The following ADAM17 variants were observed in gnomAD, a reference collection of about 807,000 sequenced individuals.
ADAM17 encodes disintegrin and metalloproteinase domain-containing protein 17.
In ADAM17, 39 loss-of-function variants were observed where a neutral mutation model predicts 96.7. The observed-to-expected ratio is 0.40, with a 90% CI of 0.31 to 0.53. The LOEUF is 0.53. Among genes scored for constraint, ADAM17 ranks in the 20% least tolerant of loss-of-function variants. The pLI is 0.44. For synonymous variants in ADAM17, 344 were observed against 359.2 expected (o/e 0.96, Z 0.48); for missense variants, 777 against 1,013.2 (o/e 0.77, Z 3.17).
chr2:9,520,410 A>G (rs904017772), intron 8 of ADAM17, among the ~76,000 whole-genome samples: 1 of 152,256 alleles, frequency 6.6e-6, no homozygotes, highest in African/African-American at 2.4e-5. Flanking sequence ...TAATCGCCAG[A>G]ATAAAAACAC....
chr2:9,493,766 C>A lies in ADAM17; in HGVS notation c.1974G>T (p.Gln658His), dbSNP rs765452935. The A allele has an allele frequency of 1.9e-6, 3 of 1,613,992 alleles. No individual in the cohort carries two copies. The highest frequency in any genetic ancestry group is 1.7e-6 in the Non-Finnish European group (2 of 1,179,932). The change falls in exon 16 of 19, where the codon CAG becomes CAT. Residue 658 changes from glutamine to histidine, a missense_variant. Physicochemically the swap from Gln to His is conservative, Grantham distance 24 (BLOSUM62 0). Around this residue, in one of 3 missense-constraint regions of ADAM17, gnomAD observed 197 missense variants for 219.4 expected, o/e 0.90. Coordinates refer to ENST00000310823, the MANE Select transcript of ADAM17 (RefSeq NM_003183.6). ...VIERFWDFIDQLSINTFGKFL... is the reference protein window; with the variant it reads ...VIERFWDFIDHLSINTFGKFL... Reference sequence around the variant, plus strand: ...ACCTACCAAAAGTATTGATGCTCAGCTGGTCAATGAAATCCCAAAATCGTT... The same window carrying A: ...ACCTACCAAAAGTATTGATGCTCAGATGGTCAATGAAATCCCAAAATCGTT...
At chr2:9,499,440 T>TCA (rs1219523248) in intron 13 of ADAM17, among the ~76,000 whole-genome samples, 1 of 152,036 alleles carries the variant, frequency 6.6e-6, no homozygotes, top group East Asian at 1.9e-4. Context: ...CTTGCTCTGT[T>TCA]GCCCAGGCTG....
At chr2:9,515,274 C>A (rs1024448494) in intron 10 of ADAM17, among the ~76,000 whole-genome samples, 1 of 152,154 alleles carries the variant, frequency 6.6e-6, no homozygotes, top group African/African-American at 2.4e-5. Context: ...GCCTTTCAGA[C>A]TGGCTTATTT....
At chr2:9,499,243 T>A (rs1426841690) in intron 13 of ADAM17, among the ~76,000 whole-genome samples, 1 of 152,138 alleles carries the variant, frequency 6.6e-6, no homozygotes, top group South Asian at 2.1e-4. Context: ...AAAGGCTGTT[T>A]GATAAGAACA....
At chr2:9,509,628 T>TA (rs375238296) in intron 11 of ADAM17, among the ~76,000 whole-genome samples, 41 of 152,270 alleles carry the variant, frequency 2.7e-4, no homozygotes, top group African/African-American at 9.1e-4. Context: ...ATTGTAGAGT[T>TA]AAAATGAATG....
intron 1 of ADAM17, among the ~76,000 whole-genome samples, chr2:9,546,765 A>C (rs1283986108): frequency 1.4e-5 from 2 of 141,780 alleles, no homozygotes; most frequent in Admixed American, 7.4e-5. Flanking sequence ...GCTGGAATGC[A>C]GTGGCGTGAT....
In ADAM17 at chr2:9,491,082, T is replaced by A. The variant is rs1429764331; in HGVS notation, c.2133+19A>T. The A allele has an allele frequency of 1.2e-6, 2 of 1,608,386 alleles. No homozygotes were observed. Among genetic ancestry groups the A allele is most frequent in the Non-Finnish European group, 1.7e-6 (2 of 1,175,592 alleles). On this transcript the variant is annotated intron_variant, in intron 18 of 18. Transcript: ENST00000310823. ...TCAGACCAGGCGAAGATTATGTTTC[T>A]TTCATATGGTATACTTACACTGGGG... is the stretch of plus-strand genomic sequence containing the variant.
chr2:9,517,857 A>T, intron 10 of ADAM17, 44 bp downstream of exon 10: 1 of 1,349,422 alleles, frequency 7.4e-7, no homozygotes, highest in Non-Finnish European at 1.0e-6. Context: ...AGGTTCTACT[A>T]CAATAAACTC....
At chr2:9,534,548 A>T (rs1335195299) in intron 4 of ADAM17, among the ~76,000 whole-genome samples, 1 of 152,104 alleles carries the variant, frequency 6.6e-6, no homozygotes, top group African/African-American at 2.4e-5. Context: ...AAACAAACAA[A>T]CAAACAAACA....
At chr2:9,544,256 G>A (rs1273541514) in intron 1 of ADAM17, among the ~76,000 whole-genome samples, 1 of 152,148 alleles carries the variant, frequency 6.6e-6, no homozygotes, top group Non-Finnish European at 1.5e-5. Context: ...TTTCCCAAAT[G>A]AGGCCATGCA....
intron 4 of ADAM17, among the ~76,000 whole-genome samples, chr2:9,531,099 G>C (rs1011697719): frequency 5.1e-4 from 78 of 151,978 alleles, no homozygotes; most frequent in African/African-American, 1.8e-3. Context: ...TTGGGATTAC[G>C]GGCGCAAGCC....
At chr2:9,542,698 T>TTTTA (rs1319961112) in intron 2 of ADAM17, among the ~76,000 whole-genome samples, 3 of 152,152 alleles carry the variant, frequency 2.0e-5, no homozygotes, top group Admixed American at 6.6e-5. Context: ...ACTTTATTTA[T>TTTTA]TTTATTTATT....
At chr2:9,530,654 C>T (rs2125029678) in intron 4 of ADAM17, among the ~76,000 whole-genome samples, 1 of 152,188 alleles carries the variant, frequency 6.6e-6, no homozygotes, top group Middle Eastern at 3.4e-3. Context: ...TTGAGGATGA[C>T]TAGAGATTTT....
In ADAM17 at chr2:9,518,259, CAAAAAAA is replaced by C. The variant is rs34863481; in HGVS notation, c.958-19_958-13del. On this transcript the variant is annotated splice_polypyrimidine_tract_variant and intron_variant, in intron 8 of 18. Coordinates refer to ENST00000310823, the MANE Select transcript of ADAM17 (RefSeq NM_003183.6). ...TCAAAGCTAAATTGCTTTGAAAGAC[CAAAAAAA>C]AAAAAAAAAAAAAAAGCATTCTTAG... 158 of 816,910 alleles carry C rather than the reference CAAAAAAA, an allele frequency of 1.9e-4. No homozygotes were observed. The highest frequency in any genetic ancestry group is 4.9e-4 in the East Asian group (9 of 18,200). The allele number at this position is 816,910 out of a possible 1,614,324, so 50.6% of individuals were successfully genotyped here.
chr2:9,555,775 C>A lies in ADAM17; in HGVS notation c.-170G>T, dbSNP rs981201097. ...GATTCTACCGCCAGGCTCGACGCCC[C>A]CAGAAGTGCAGGTGGCGTTACCAAA... On this transcript the variant is annotated 5_prime_UTR_variant, in exon 1 of 19. Transcript: ENST00000310823. 1 of 524,902 alleles carries A rather than the reference C, an allele frequency of 1.9e-6. No homozygotes were observed. Among genetic ancestry groups the A allele is most frequent in the South Asian group, 3.9e-5 (1 of 25,878 alleles). The allele number at this position is 524,902 out of a possible 1,614,324, so 32.5% of individuals were successfully genotyped here.
chr2:9,504,379 A>G (rs1663236596), intron 12 of ADAM17, among the ~76,000 whole-genome samples: 1 of 152,114 alleles, frequency 6.6e-6, no homozygotes. Flanking sequence ...TGGGAGGCGG[A>G]GATTGCAGTG....
intron 10 of ADAM17, among the ~76,000 whole-genome samples, chr2:9,514,617 T>C (rs1197354073): frequency 6.9e-6 from 1 of 144,886 alleles, no homozygotes; most frequent in Non-Finnish European, 1.5e-5. Context: ...CTCACGCCTG[T>C]AATTCCAACA....
At position 9,525,299 on chromosome 2, in the gene ADAM17, GA is replaced by G. The variant is rs374286925; in HGVS notation, c.753+811del. Among the ~76,000 whole-genome samples the G allele has an allele frequency of 6.6e-3, 813 of 123,280 alleles. 3 individuals are homozygous for G. The highest frequency in any genetic ancestry group is 0.016 in the African/African-American group (518 of 33,094). 80.9% of individuals were successfully genotyped at this position (123,280 alleles called of 152,430 possible). On this transcript the variant is annotated intron_variant, in intron 6 of 18. Coordinates refer to ENST00000310823, the MANE Select transcript of ADAM17 (RefSeq NM_003183.6). ...GGGCGACACAGTGAGACTCTGTGTT[GA>G]AAAAAAAAAAAAAAAATCCACTTGA...
Position 9,490,019 on chromosome 2 carries a change from A to AACCACACAAGAACTGTT in ADAM17, c.*141_*157dup, listed in dbSNP as rs1553355485. 3 of 668,598 alleles carry AACCACACAAGAACTGTT rather than the reference A, an allele frequency of 4.5e-6. No homozygotes were observed. The African/African-American group carries it at 5.4e-5, about 12-fold the overall frequency. 41.4% of individuals were successfully genotyped at this position (668,598 alleles called of 1,614,324 possible). ...TACCTTTTCAAAAGGAGAAGGGCCA[A>AACCACACAAGAACTGTT]ACCACACAAGAACTGTTTACCTGCA... is the stretch of plus-strand genomic sequence containing the variant. On this transcript the variant is annotated 3_prime_UTR_variant, in exon 19 of 19. Transcript: ENST00000310823.
Sources: allele counts gnomAD v4.1 joint callset (sites outside exome capture counted in the v4.1 genomes callset), GRCh38; gene constraint gnomAD v4.1.1; regional missense constraint gnomAD v4.1.1; transcripts MANE v1.5; gene names NCBI Gene and HGNC (gene_info 2026-07-23, HGNC 2026-07-21).